Variants in SEPTIN3 observed in about 807,000 individuals in gnomAD.
SEPTIN3 encodes septin 3.
SEPTIN3 carries 15 observed loss-of-function variants against 45.1 expected under a neutral mutation model. That is an observed-to-expected ratio of 0.33 (90% CI 0.22 to 0.51). SEPTIN3 has a LOEUF of 0.51. Ranked by LOEUF, SEPTIN3 falls within the 20% of genes least tolerant of loss-of-function variation. SEPTIN3 has a pLI of 0.97. For missense variants in SEPTIN3, 289 were observed against 457.2 expected (o/e 0.63, Z 3.35); for synonymous variants, 148 against 164.8 (o/e 0.90, Z 0.78).
intron 3 of SEPTIN3, chr22:41,982,246 C>T (rs12330125): frequency 2.4e-3 from 415 of 174,492 alleles, no homozygotes; most frequent in African/African-American, 9.1e-3. Context: ...TGGTGGCTCA[C>T]ACCTGTAATC....
chr22:41,974,182 G>C (rs1166021595), intron 2 of SEPTIN3, among the ~76,000 whole-genome samples: 1 of 151,784 alleles, frequency 6.6e-6, no homozygotes, highest in Non-Finnish European at 1.5e-5. Context: ...GGTTAACAGG[G>C]GTAACTTGTG....
At chr22:41,985,851 C>G in intron 3 of SEPTIN3, 133 bp from the exon 4 acceptor site, 1 of 1,128,630 alleles carries the variant, frequency 8.9e-7, no homozygotes, top group East Asian at 2.9e-5. Flanking sequence ...CTCAGCCTGG[C>G]CATCCCCCAG....
Position 41,976,975 on chromosome 22 carries a change from C to T in SEPTIN3, c.1504+3979C>T. 3 of 1,395,406 alleles carry T rather than the reference C, an allele frequency of 2.1e-6. No individual in the cohort carries two copies. Among genetic ancestry groups the T allele is most frequent in the South Asian group, 2.6e-5 (2 of 75,844 alleles). The allele number at this position is 1,395,406 out of a possible 1,614,324, so 86.4% of individuals were successfully genotyped here. A position where few individuals can be genotyped will look rare whatever the true frequency, so the allele number is the denominator to read the frequency against. On this transcript the variant is annotated intron_variant, in intron 2 of 11. Coordinates refer to ENST00000644076, the MANE Select transcript of SEPTIN3 (RefSeq NM_001363845.2). This position sits in a 1 kb window ranked among gnomAD's most constrained non-coding sequence, Gnocchi z 5.8. ...AGGGGCGAGGCCCGTTTGCAGGGGCCGCTCGGCCCGGGGAAGCCCGCGCCC... is the reference window on the plus strand; with the variant it reads ...AGGGGCGAGGCCCGTTTGCAGGGGCTGCTCGGCCCGGGGAAGCCCGCGCCC...
chr22:41,981,657 C>T lies in SEPTIN3; in HGVS notation c.1517C>T (p.Thr506Ile), dbSNP rs2078122614. 6.2e-7 allele frequency: 1 copy of T among 1,612,804 alleles called. No individual in the cohort carries two copies. The highest frequency in any genetic ancestry group is 8.5e-7 in the Non-Finnish European group (1 of 1,179,788). Residue 506 changes from threonine to isoleucine, a missense_variant, in exon 3 of 12, where the codon ACC (threonine) becomes ATC (isoleucine). Thr to Ile is a moderately conservative substitution (Grantham distance 89). Transcript: ENST00000644076. ...LATEYKGLPE[T>I]RTDAAMSELV... ...CTTGGCTCTGCAGGGCTCCCAGAGA[C>T]CAGGACGGACGCAGCCATGTCAGAG...
chr22:41,992,811 A>C (rs1446559558), intron 9 of SEPTIN3, 48 bp downstream of exon 9: 1 of 1,268,884 alleles, frequency 7.9e-7, no homozygotes, highest in Admixed American at 1.9e-5. Context: ...TCAGTTATCC[A>C]GTCACCATTT....
intron 2 of SEPTIN3, chr22:41,977,035 C>G (rs1412602235): frequency 6.3e-7 from 1 of 1,599,046 alleles, no homozygotes; most frequent in Admixed American, 1.7e-5. Context: ...CGGAGCATCT[C>G]CCTGGAGGAA....
intron 2 of SEPTIN3, chr22:41,981,381 A>ACTGGG: frequency 2.3e-6 from 1 of 434,294 alleles, no homozygotes; most frequent in Non-Finnish European, 4.1e-6. Context: ...AGTGAGGTGC[A>ACTGGG]TTTGAAAGTG....
chr22:41,977,609 G>T (rs576987261), intron 2 of SEPTIN3, among the ~76,000 whole-genome samples: 1 of 151,726 alleles, frequency 6.6e-6, no homozygotes, highest in South Asian at 2.1e-4. Flanking sequence ...CCTAGGGCTG[G>T]AACTGGGGTG....
rs2077961475 is a variant in SEPTIN3 at position 41,971,739 on chromosome 22, C to A, written c.247C>A (p.Gln83Lys). 2.5e-6 allele frequency: 1 copy of A among 399,282 alleles called. No individual in the cohort carries two copies. The allele number at this position is 399,282 out of a possible 1,614,324, so 24.7% of individuals were successfully genotyped here. A position where few individuals can be genotyped will look rare whatever the true frequency, so the allele number is the denominator to read the frequency against. ...LGARTRSVPP[Q>K]ETGIALGASL... ...AGCCAGGACCCGGAGTGTGCCCCCA[C>A]AGGAGACGGGCATCGCTCTGGGGGC... Residue 83 changes from glutamine to lysine, a missense_variant, in exon 2 of 12, where the codon CAG becomes AAG. Physicochemically the swap from Gln to Lys is moderately conservative, Grantham distance 53. Coordinates refer to ENST00000644076, the MANE Select transcript of SEPTIN3 (RefSeq NM_001363845.2).
At chr22:41,996,213 C>T (rs199499685) in intron 11 of SEPTIN3, 1 of 985,138 alleles carries the variant, frequency 1.0e-6, no homozygotes, top group East Asian at 1.1e-4. Context: ...TTCCCTGAAG[C>T]CCTGTATTTA....
chr22:41,995,866 C>T, intron 11 of SEPTIN3: 1 of 905,042 alleles, frequency 1.1e-6, no homozygotes, highest in Non-Finnish European at 1.3e-6. Flanking sequence ...TGTGAGACAA[C>T]CTTTTATTGG....
At position 41,987,187 on chromosome 22, in the gene SEPTIN3, A is replaced by C. The variant is rs763696025; in HGVS notation, c.1826-19A>C. 6.2e-7 allele frequency: 1 copy of C among 1,607,890 alleles called. No individual in the cohort carries two copies. Among genetic ancestry groups the C allele is most frequent in the African/African-American group, 1.3e-5 (1 of 74,698 alleles). On this transcript the variant is annotated intron_variant, in intron 4 of 11. Coordinates refer to ENST00000644076, the MANE Select transcript of SEPTIN3 (RefSeq NM_001363845.2). Reference sequence around the variant, plus strand: ...GCTGTAGGACTGACCTCTCTGGTACATTTTCTTTTCACCCCCAGTGATAGA... The same window carrying C: ...GCTGTAGGACTGACCTCTCTGGTACCTTTTCTTTTCACCCCCAGTGATAGA...
At chr22:41,980,261 C>T (rs2078100635) in intron 2 of SEPTIN3, among the ~76,000 whole-genome samples, 1 of 151,562 alleles carries the variant, frequency 6.6e-6, no homozygotes, top group South Asian at 2.1e-4. Flanking sequence ...CCTCAGCCTC[C>T]TGAGTAGCTA....
Position 41,976,921 on chromosome 22 carries a change from C to T in SEPTIN3, c.1504+3925C>T. The T allele has an allele frequency of 2.3e-6, 1 of 439,902 alleles. No individual in the cohort carries two copies. Among genetic ancestry groups the T allele is most frequent in the Non-Finnish European group, 3.2e-6 (1 of 313,164 alleles). The allele number at this position is 439,902 out of a possible 1,614,324, so 27.2% of individuals were successfully genotyped here. ...GCGCAGGGGCGGCGCGGCGGGGCCG[C>T]GGGCCGGGCGGGTGGGAGGAGAGCG... is the stretch of plus-strand genomic sequence containing the variant. On this transcript the variant is annotated intron_variant, in intron 2 of 11. Coordinates refer to ENST00000644076, the MANE Select transcript of SEPTIN3 (RefSeq NM_001363845.2). The surrounding 1 kb of genome is among the most constrained non-coding windows in gnomAD (Gnocchi z 5.8).
At position 41,981,711 on chromosome 22, in the gene SEPTIN3, C is replaced by T. The variant is rs140094386; in HGVS notation, c.1571C>T (p.Ala524Val). Residue 524 changes from alanine to valine, a missense_variant, in exon 3 of 12, where the codon GCG (alanine) becomes GTG (valine). By Grantham distance (64) the Ala-to-Val change is moderately conservative. This residue lies in a region of SEPTIN3 where 200 missense variants were observed against 315.1 expected (regional missense o/e 0.63). Coordinates refer to ENST00000644076, the MANE Select transcript of SEPTIN3 (RefSeq NM_001363845.2). Reference sequence around the variant, plus strand: ...GTGCCTGAGCCCAGGCCTAAGCCAGCGGTGCCCATGAAGCCCATGAGCATC... The same window carrying T: ...GTGCCTGAGCCCAGGCCTAAGCCAGTGGTGCCCATGAAGCCCATGAGCATC... ...ELVPEPRPKP[A>V]VPMKPMSINS... The T allele has an allele frequency of 1.1e-3, 1,701 of 1,613,960 alleles. 25 individuals carry two copies. In the South Asian group the frequency reaches 0.017, roughly 16 times the overall value.
chr22:41,991,448 G>A, intron 7 of SEPTIN3, 125 bp from the exon 8 acceptor site: 1 of 722,050 alleles, frequency 1.4e-6, no homozygotes, highest in South Asian at 1.6e-5. Context: ...AGAGTTCAGA[G>A]ATGACTGTGG....
At chr22:41,990,114 C>T (rs888553974) in intron 7 of SEPTIN3, among the ~76,000 whole-genome samples, 1 of 151,320 alleles carries the variant, frequency 6.6e-6, no homozygotes, top group Admixed American at 6.6e-5. Flanking sequence ...GATCTCGGCT[C>T]ACTGCAAGCT....
At position 41,981,647 on chromosome 22, in the gene SEPTIN3, C is replaced by A; in HGVS notation, c.1507C>A (p.Leu503Ile). The A allele has an allele frequency of 6.2e-7, 1 of 1,611,074 alleles. No individual in the cohort carries two copies. Among genetic ancestry groups the A allele is most frequent in the Non-Finnish European group, 8.5e-7 (1 of 1,178,716 alleles). ...CCCCTCCCACCTTGGCTCTGCAGGGCTCCCAGAGACCAGGACGGACGCAGC... is the reference window on the plus strand; with the variant it reads ...CCCCTCCCACCTTGGCTCTGCAGGGATCCCAGAGACCAGGACGGACGCAGC... ...SLDLATEYKG[L>I]PETRTDAAMS... Residue 503 changes from leucine to isoleucine, a missense_variant and splice_region_variant, in exon 3 of 12, where the codon CTC (leucine) becomes ATC (isoleucine). Around this residue, in one of 3 missense-constraint regions of SEPTIN3, gnomAD observed 200 missense variants for 315.1 expected, o/e 0.63. Coordinates refer to ENST00000644076, the MANE Select transcript of SEPTIN3 (RefSeq NM_001363845.2).
chr22:41,975,675 G>A (rs138777163), intron 2 of SEPTIN3, among the ~76,000 whole-genome samples: 353 of 152,224 alleles, frequency 2.3e-3, no homozygotes, highest in African/African-American at 8.0e-3. Context: ...CTAGAAACCC[G>A]GGTATCCTCT....
Sources: allele counts gnomAD v4.1 joint callset (sites outside exome capture counted in the v4.1 genomes callset), GRCh38; gene constraint gnomAD v4.1.1; regional missense constraint gnomAD v4.1.1; non-coding constraint Gnocchi (gnomAD v3.1); transcripts MANE v1.5; gene names NCBI Gene and HGNC (gene_info 2026-07-23, HGNC 2026-07-21).